Variants in FANK1 observed in about 807,000 individuals in gnomAD.
FANK1 encodes the protein fibronectin type III and ankyrin repeat domains 1, also known as fibronectin type 3 and ankyrin repeat domains protein 1.
In FANK1, 44 loss-of-function variants were observed where a neutral mutation model predicts 45.3. The ratio of observed to expected loss-of-function variants is 0.97; its 90% confidence interval spans 0.76 to 1.25. The LOEUF is 1.25. Ranked by LOEUF, FANK1 falls within the 50% of genes most tolerant of loss-of-function variation. FANK1 has a pLI of 0.00. For missense variants in FANK1, 391 were observed against 424.4 expected, an observed-to-expected ratio of 0.92 and a Z score of 0.69; for synonymous variants, 149 against 152.5, an observed-to-expected ratio of 0.98 and a Z score of 0.17.
chr10:125,948,279 G>A (rs1948952064), intron 1 of FANK1, among the ~76,000 whole-genome samples: 1 of 151,858 alleles, frequency 6.6e-6, no homozygotes, highest in East Asian at 1.9e-4. Context: ...CAGAACTGAA[G>A]GAAATAGAGA....
At chr10:126,005,377 G>A (rs188967807) in intron 7 of FANK1, among the ~76,000 whole-genome samples, 2 of 150,394 alleles carry the variant, frequency 1.3e-5, no homozygotes, top group East Asian at 2.0e-4. Context: ...GCGCGATCTC[G>A]GTTCATTGAG....
intron 1 of FANK1, among the ~76,000 whole-genome samples, chr10:125,949,506 C>A (rs1450086068): frequency 6.6e-6 from 1 of 152,074 alleles, no homozygotes; most frequent in African/African-American, 2.4e-5. Flanking sequence ...AGTGAACTCC[C>A]ATTCCCAATT....
At chr10:125,909,388 T>C (rs1945803669) in intron 1 of FANK1, among the ~76,000 whole-genome samples, 1 of 152,202 alleles carries the variant, frequency 6.6e-6, no homozygotes, top group Admixed American at 6.5e-5. Flanking sequence ...ATATTTTCTC[T>C]ATTATGTCTT....
chr10:125,927,075 A>G (rs1947399107), intron 1 of FANK1, among the ~76,000 whole-genome samples: 1 of 152,066 alleles, frequency 6.6e-6, no homozygotes, highest in Non-Finnish European at 1.5e-5. Flanking sequence ...GAGTGCTGGG[A>G]TTACAGGCAT....
chr10:125,944,089 A>G (rs1948620941), intron 1 of FANK1, among the ~76,000 whole-genome samples: 2 of 152,242 alleles, frequency 1.3e-5, no homozygotes, highest in South Asian at 4.1e-4. Flanking sequence ...ATTCTTGTGT[A>G]TACTTTAATT....
intron 1 of FANK1, among the ~76,000 whole-genome samples, chr10:125,925,450 G>A (rs1169026647): frequency 6.6e-6 from 1 of 152,140 alleles, no homozygotes; most frequent in Non-Finnish European, 1.5e-5. Context: ...AGGCTATAGT[G>A]CAGGGGCTGT....
chr10:125,954,736 A>G (rs1401224047), intron 1 of FANK1, among the ~76,000 whole-genome samples: 1 of 152,108 alleles, frequency 6.6e-6, no homozygotes, highest in Non-Finnish European at 1.5e-5. Flanking sequence ...CCTGGCCAAC[A>G]TAGTGAAACC....
At chr10:125,994,268 C>G in intron 3 of FANK1, 1 of 461,582 alleles carries the variant, frequency 2.2e-6, no homozygotes, top group Non-Finnish European at 2.8e-6. Flanking sequence ...TTTAGAATAA[C>G]AGGCTGAAAG....
Position 125,983,526 on chromosome 10 carries a change from G to A in FANK1, c.191+3188G>A, listed in dbSNP as rs1262787539. Among the ~76,000 whole-genome samples the A allele has an allele frequency of 6.6e-6, 1 of 152,214 alleles. No individual in the cohort carries two copies. Among genetic ancestry groups the A allele is most frequent in the African/African-American group, 2.4e-5 (1 of 41,456 alleles). ...GAAAAATTGAGGGCCTGGGGTAGAG[G>A]TGGGGAAGTCTTCACCAAGAAGGTA... On this transcript the variant is annotated intron_variant, in intron 2 of 10. Transcript: ENST00000368693. The surrounding 1 kb of genome is among the most constrained non-coding windows in gnomAD (Gnocchi z 4.3).
chr10:125,909,209 A>C (rs1945788288), intron 1 of FANK1, among the ~76,000 whole-genome samples: 1 of 152,184 alleles, frequency 6.6e-6, no homozygotes, highest in African/African-American at 2.4e-5. Context: ...TAGCCTAGGA[A>C]ATTTGAACTA....
intron 1 of FANK1, among the ~76,000 whole-genome samples, chr10:125,924,085 C>T (rs1410369722): frequency 1.3e-5 from 2 of 152,112 alleles, no homozygotes; most frequent in African/African-American, 2.4e-5. Flanking sequence ...GACTACACTC[C>T]AGCCTGGGCA....
intron 1 of FANK1, chr10:125,973,443 T>A: frequency 1.0e-6 from 1 of 985,436 alleles, no homozygotes; most frequent in Non-Finnish European, 1.2e-6. Context: ...TGAGTCATTG[T>A]GACATCACCA....
rs34923987 is a variant in FANK1 at position 125,987,528 on chromosome 10, GACAC to G, written c.192-1006_192-1003del. 2.9e-4 allele frequency among the ~76,000 whole-genome samples: 43 copies of G among 150,108 alleles called. No homozygotes were observed. In the East Asian group the frequency reaches 6.8e-3, roughly 24 times the overall value. ...CAGGAAAGAAGAAAGAGCTGGAAAT[GACAC>G]ACACACACACACACACCCTCTCAAA... On this transcript the variant is annotated intron_variant, in intron 2 of 10. Transcript: ENST00000368693.
At chr10:125,934,454 G>A (rs1589924986) in intron 1 of FANK1, among the ~76,000 whole-genome samples, 2 of 152,058 alleles carry the variant, frequency 1.3e-5, no homozygotes, top group African/African-American at 4.8e-5. Flanking sequence ...CCAGCCTTGG[G>A]CAGTAGGTGG....
At position 126,009,114 on chromosome 10, in the gene FANK1, G is replaced by GC; in HGVS notation, c.911dup (p.Ser305LysfsTer5). 6.2e-7 allele frequency: 1 copy of GC among 1,614,204 alleles called. No homozygotes were observed. Among genetic ancestry groups the GC allele is most frequent in the Non-Finnish European group, 8.5e-7 (1 of 1,180,032 alleles). On this transcript the variant is annotated frameshift_variant, in exon 9 of 11. Coordinates refer to ENST00000368693, the MANE Select transcript of FANK1 (RefSeq NM_145235.5). LOFTEE classifies it high-confidence loss of function. ...GTTACTTCTTGACAAAGGGGCAGAT[G>GC]CAAGTGTAAAAAATGAGGTAAATGA...
At position 125,932,260 on chromosome 10, in the gene FANK1, G is replaced by C. The variant is rs147130021; in HGVS notation, c.13+35605G>C. 3.8e-4 allele frequency among the ~76,000 whole-genome samples: 58 copies of C among 152,050 alleles called. No homozygotes were observed. The East Asian group carries it at 8.1e-3, about 21-fold the overall frequency. On this transcript the variant is annotated intron_variant, in intron 1 of 10. Transcript: ENST00000368693. ...AAGAATAATGGTGGTATTTTGATGG[G>C]CATTGTGTTGAATTTGTAGATTGCT... is the stretch of plus-strand genomic sequence containing the variant.
At chr10:125,945,858 A>C (rs574957704) in intron 1 of FANK1, among the ~76,000 whole-genome samples, 1 of 152,344 alleles carries the variant, frequency 6.6e-6, no homozygotes, top group Non-Finnish European at 1.5e-5. Flanking sequence ...CCTGTCTGAC[A>C]GCTTTGAAGA....
intron 1 of FANK1, among the ~76,000 whole-genome samples, chr10:125,951,134 C>T (rs1026491257): frequency 6.7e-6 from 1 of 148,964 alleles, no homozygotes; most frequent in African/African-American, 2.5e-5. Flanking sequence ...GGGAGATATA[C>T]CTAATGCTAG....
intron 1 of FANK1, among the ~76,000 whole-genome samples, chr10:125,933,136 A>T (rs1947860409): frequency 6.6e-6 from 1 of 152,154 alleles, no homozygotes; most frequent in African/African-American, 2.4e-5. Flanking sequence ...ATCTATGTTC[A>T]TCAAGGATAT....
Sources: gnomAD v4.1 joint callset for allele counts (sites outside exome capture counted in the v4.1 genomes callset) on GRCh38, gnomAD v4.1.1 for gene constraint, Gnocchi (gnomAD v3.1) non-coding constraint, MANE v1.5 for transcripts, NCBI Gene and HGNC (gene_info 2026-07-23, HGNC 2026-07-21) for gene names.